MFN1: variants seen among roughly 807,000 people sequenced by gnomAD.
MFN1 encodes mitofusin-1.
A neutral mutation model predicts 92.4 loss-of-function variants in MFN1; 65 were observed. The observed-to-expected ratio is 0.70, with a 90% CI of 0.58 to 0.86. MFN1 has a LOEUF of 0.86. Ranked by LOEUF, MFN1 falls within the 40% of genes least tolerant of loss-of-function variation. The pLI is 0.00. For synonymous variants in MFN1, 297 were observed against 300.9 expected, an observed-to-expected ratio of 0.99 and a Z score of 0.13; for missense variants, 781 against 868.0, an observed-to-expected ratio of 0.90 and a Z score of 1.26.
At chr3:179,382,072 T>A (rs577938596) in intron 14 of MFN1, among the ~76,000 whole-genome samples, 86 of 77,114 alleles carry the variant, frequency 1.1e-3, no homozygotes, top group South Asian at 0.01. Flanking sequence ...AGCATTTTTT[T>A]AATTTTTTTT....
At chr3:179,372,356 A>G (rs1713057249) in intron 9 of MFN1, among the ~76,000 whole-genome samples, 1 of 151,536 alleles carries the variant, frequency 6.6e-6, no homozygotes, top group Admixed American at 6.6e-5. Flanking sequence ...TGTTTTAATT[A>G]CATATATAAA....
chr3:179,367,547 G>T lies in MFN1; in HGVS notation c.862G>T (p.Val288Phe), dbSNP rs1022252640. Residue 288 changes from valine to phenylalanine, a missense_variant, in exon 8 of 18, where the codon GTT (valine) becomes TTT (phenylalanine). Coordinates refer to ENST00000471841, the MANE Select transcript of MFN1 (RefSeq NM_033540.3). ...NRIFFVSAKE[V>F]LSARKQKAQG... The stretch of plus-strand genomic sequence containing the variant: ...TATCTTCTTTGTTTCAGCAAAGGAA[G>T]TTCTTAGTGCTAGAAAGCAAAAAGC... The T allele has an allele frequency of 1.2e-6, 2 of 1,613,534 alleles. No individual in the cohort carries two copies. Among genetic ancestry groups the T allele is most frequent in the Non-Finnish European group, 8.5e-7 (1 of 1,179,852 alleles).
chr3:179,353,858 CTTG>C (rs963171658), intron 3 of MFN1, among the ~76,000 whole-genome samples: 9 of 152,360 alleles, frequency 5.9e-5, no homozygotes, highest in East Asian at 3.9e-4. Context: ...CTCACCTTTC[CTTG>C]TTGTAGCTAC....
intron 9 of MFN1, among the ~76,000 whole-genome samples, chr3:179,373,036 C>T (rs1263967506): frequency 6.6e-6 from 1 of 152,108 alleles, no homozygotes; most frequent in African/African-American, 2.4e-5. Context: ...TAACTTCCTA[C>T]ATTAATTTTT....
At chr3:179,351,724 T>C (rs887723813) in intron 2 of MFN1, among the ~76,000 whole-genome samples, 176 bp from the exon 3 acceptor site, 2 of 152,232 alleles carry the variant, frequency 1.3e-5, no homozygotes, top group Non-Finnish European at 1.5e-5. Context: ...TGAAATTCTT[T>C]TGGGCGGGAT....
chr3:179,364,037 T>C (rs1252118802), intron 5 of MFN1, among the ~76,000 whole-genome samples: 1 of 152,158 alleles, frequency 6.6e-6, no homozygotes, highest in East Asian at 1.9e-4. Flanking sequence ...TATAGCTGCT[T>C]GAACCCTCAT....
intron 9 of MFN1, among the ~76,000 whole-genome samples, chr3:179,370,390 TTC>T: frequency 3.1e-5 from 4 of 128,786 alleles, no homozygotes; most frequent in East Asian, 2.5e-4. Context: ...ATTCACTAAG[TTC>T]TTTTTTTTTT....
rs1033047940 is a variant in MFN1 at position 179,393,491 on chromosome 3, C to A, written c.*1432C>A. ...TTCTAGATGCTATTCAGCCTTTTTACAGCAGGTGCAACTCTATTTTTCAAG... is the reference window on the plus strand; with the variant it reads ...TTCTAGATGCTATTCAGCCTTTTTAAAGCAGGTGCAACTCTATTTTTCAAG... On this transcript the variant is annotated 3_prime_UTR_variant, in exon 18 of 18. Transcript: ENST00000471841. The A allele has an allele frequency of 4.5e-4, 68 of 152,028 alleles. No homozygotes were observed. Among genetic ancestry groups the A allele is most frequent in the African/African-American group, 1.3e-3 (54 of 41,358 alleles). 9.4% of individuals were successfully genotyped at this position (152,028 alleles called of 1,614,324 possible).
chr3:179,354,754 G>C (rs1046773918), intron 3 of MFN1, among the ~76,000 whole-genome samples: 1 of 152,126 alleles, frequency 6.6e-6, no homozygotes, highest in Non-Finnish European at 1.5e-5. Context: ...CCAGGTAACG[G>C]GTAGGCAATT....
At chr3:179,378,273 TTA>T in intron 12 of MFN1, 66 bp from the exon 13 acceptor site, 4 of 1,200,282 alleles carry the variant, frequency 3.3e-6, no homozygotes, top group Non-Finnish European at 2.4e-6. Flanking sequence ...ACTGAATATT[TTA>T]TGTCTTTATA....
At chr3:179,379,867 A>G (rs1336355993) in intron 14 of MFN1, among the ~76,000 whole-genome samples, 1 of 152,214 alleles carries the variant, frequency 6.6e-6, no homozygotes, top group African/African-American at 2.4e-5. Flanking sequence ...GTTGTTCTTT[A>G]GGACTAAACT....
chr3:179,351,722 T>C (rs1461943972), intron 2 of MFN1, among the ~76,000 whole-genome samples, 178 bp from the exon 3 acceptor site: 8 of 152,360 alleles, frequency 5.3e-5, no homozygotes, highest in African/African-American at 1.2e-4. Flanking sequence ...CTTGAAATTC[T>C]TTTGGGCGGG....
intron 14 of MFN1, 141 bp downstream of exon 14, chr3:179,378,955 T>C (rs1042898390): frequency 5.5e-6 from 4 of 724,854 alleles, no homozygotes; most frequent in Admixed American, 2.9e-5. Flanking sequence ...GAGGTAGATA[T>C]TTAGTTTGAG....
intron 1 of MFN1, 35 bp from the exon 2 acceptor site, chr3:179,348,810 T>G: frequency 6.3e-7 from 1 of 1,599,830 alleles, no homozygotes; most frequent in East Asian, 2.2e-5. Context: ...ATCATCCACT[T>G]TAGTTGGTGC....
intron 10 of MFN1, 46 bp from the exon 11 acceptor site, chr3:179,376,996 G>A (rs780796610): frequency 6.3e-7 from 1 of 1,595,720 alleles, no homozygotes; most frequent in South Asian, 1.1e-5. Context: ...AATGCTTTAG[G>A]ACTTCAGACT....
Position 179,378,417 on chromosome 3 carries a change from TGCTTCAGACCCA to T in MFN1, c.1409_1420del (p.Leu470_Gln473del). 1 of 1,603,846 alleles carries T rather than the reference TGCTTCAGACCCA, an allele frequency of 6.2e-7. No homozygotes were observed. ...TGCACCGATGAAGTAAACGCCTTAGTGCTTCAGACCCAGCAAGAAATTATTGGTAATATTTAT... is the reference window on the plus strand; with the variant it reads ...TGCACCGATGAAGTAAACGCCTTAGTGCAAGAAATTATTGGTAATATTTAT... On this transcript the variant is annotated inframe_deletion, in exon 13 of 18. Transcript: ENST00000471841.
intron 4 of MFN1, 72 bp from the exon 5 acceptor site, chr3:179,362,286 C>G (rs781701258): frequency 9.2e-6 from 13 of 1,418,282 alleles, no homozygotes; most frequent in Non-Finnish European, 1.2e-5. Context: ...AATAAATGTA[C>G]CACAATGTTT....
intron 9 of MFN1, among the ~76,000 whole-genome samples, chr3:179,369,844 A>G (rs1302597260): frequency 6.6e-6 from 1 of 152,174 alleles, no homozygotes; most frequent in East Asian, 1.9e-4. Flanking sequence ...GTTTTATTCT[A>G]ATGGTCCATT....
intron 7 of MFN1, among the ~76,000 whole-genome samples, 157 bp from the exon 8 acceptor site, chr3:179,367,282 C>G (rs536330854): frequency 1.4e-4 from 21 of 152,198 alleles, no homozygotes; most frequent in African/African-American, 5.1e-4. Context: ...TTCCTGTCAT[C>G]AAGTATCAAA....
Sources: allele counts gnomAD v4.1 joint callset (sites outside exome capture counted in the v4.1 genomes callset), GRCh38; gene constraint gnomAD v4.1.1; transcripts MANE v1.5; gene names NCBI Gene and HGNC (gene_info 2026-07-23, HGNC 2026-07-21).